CSMD3: variants seen among roughly 807,000 people sequenced by gnomAD.
CSMD3 encodes CUB and sushi domain-containing protein 3.
Under a neutral mutation model 435.2 loss-of-function variants are expected in CSMD3, and 177 were observed. The ratio of observed to expected loss-of-function variants is 0.41; its 90% CI spans 0.36 to 0.46. The LOEUF (loss-of-function observed/expected upper bound fraction) is 0.46. Ranked by LOEUF, CSMD3 falls within the 20% of genes least tolerant of loss-of-function variation. The probability of loss-of-function intolerance (pLI) is 0.34; values close to 1 mark genes in which losing one functional copy is unlikely to be tolerated. For synonymous variants in CSMD3, 1,656 were observed against 1,520.5 expected, an observed-to-expected ratio of 1.09 and a Z score of -2.07; for missense variants, 4,265 against 4,504.6, an observed-to-expected ratio of 0.95 and a Z score of 1.52.
chr8:112,816,307 T>C (rs1450002252), intron 12 of CSMD3, among the ~76,000 whole-genome samples: 1 of 152,096 alleles, frequency 6.6e-6, no homozygotes, highest in Non-Finnish European at 1.5e-5. Flanking sequence ...TTTGTAAGTA[T>C]GCATAGTGAA....
At chr8:112,525,799 T>TATATATATATAC in intron 27 of CSMD3, among the ~76,000 whole-genome samples, 1 of 131,346 alleles carries the variant, frequency 7.6e-6, no homozygotes, top group African/African-American at 2.9e-5. Context: ...TATATATGTA[T>TATATATATATAC]ATATATATAT....
In CSMD3 at chr8:113,281,946, G is replaced by A. The variant is rs117946656; in HGVS notation, c.402-3242C>T. Among the ~76,000 whole-genome samples, 61 of 151,884 alleles carry A rather than the reference G, an allele frequency of 4.0e-4. 2 individuals are homozygous for A. In the East Asian group the frequency reaches 0.011, roughly 27 times the overall value. ...TTCTTCATATATGATGCTTAGTTTC[G>A]CTGGAAACAAAATTCTTGGCTGATA... On this transcript the variant is annotated intron_variant, in intron 2 of 70. Transcript: ENST00000297405.
intron 13 of CSMD3, among the ~76,000 whole-genome samples, chr8:112,702,006 A>G (rs1186476693): frequency 4.6e-5 from 7 of 152,106 alleles, no homozygotes. Context: ...GGACATACCT[A>G]TATTGGTCCA....
At chr8:112,879,800 C>G (rs913809199) in intron 10 of CSMD3, among the ~76,000 whole-genome samples, 1 of 152,060 alleles carries the variant, frequency 6.6e-6, no homozygotes. Flanking sequence ...AACCATCACT[C>G]TCAGCAAACT....
intron 8 of CSMD3, among the ~76,000 whole-genome samples, chr8:112,948,786 C>T (rs140631549): frequency 1.3e-5 from 2 of 151,950 alleles, no homozygotes; most frequent in East Asian, 3.9e-4. Context: ...GCTTGTTGTC[C>T]TCCACTGTGA....
At chr8:112,852,420 A>G (rs1198666548) in intron 11 of CSMD3, among the ~76,000 whole-genome samples, 1 of 152,156 alleles carries the variant, frequency 6.6e-6, no homozygotes, top group African/African-American at 2.4e-5. Flanking sequence ...GACCCAGAAT[A>G]CAAGAAAGGG....
intron 25 of CSMD3, among the ~76,000 whole-genome samples, chr8:112,555,880 T>A (rs913022457): frequency 6.6e-6 from 1 of 151,968 alleles, no homozygotes; most frequent in Non-Finnish European, 1.5e-5. Context: ...GTATATCAAT[T>A]ATACCTCAGT....
intron 3 of CSMD3, among the ~76,000 whole-genome samples, chr8:113,261,290 G>A (rs2093425262): frequency 6.6e-6 from 1 of 152,000 alleles, no homozygotes; most frequent in Admixed American, 6.6e-5. Context: ...CATAATGTCT[G>A]CACAAAATGT....
intron 27 of CSMD3, among the ~76,000 whole-genome samples, chr8:112,543,414 ACAGT>A (rs1243645386): frequency 6.6e-6 from 1 of 152,160 alleles, no homozygotes; most frequent in Non-Finnish European, 1.5e-5. Context: ...CTGATAAAAA[ACAGT>A]CAAAGGTCTT....
intron 35 of CSMD3, among the ~76,000 whole-genome samples, chr8:112,395,061 A>C (rs189709952): frequency 6.6e-6 from 1 of 152,292 alleles, no homozygotes; most frequent in African/African-American, 2.4e-5. Flanking sequence ...ATATTTATTT[A>C]TTTACCAACA....
At chr8:112,458,976 T>A (rs1563562883) in intron 32 of CSMD3, among the ~76,000 whole-genome samples, 2 of 152,094 alleles carry the variant, frequency 1.3e-5, no homozygotes, top group Middle Eastern at 3.4e-3. Flanking sequence ...CATACACAGA[T>A]CTCACTCATC....
chr8:113,247,195 AAAC>A (rs909024186), intron 3 of CSMD3, among the ~76,000 whole-genome samples: 2 of 152,188 alleles, frequency 1.3e-5, no homozygotes, highest in African/African-American at 2.4e-5. Context: ...CCACTATGTT[AAAC>A]AACTAACACT....
chr8:113,133,791 A>G (rs577654204), intron 4 of CSMD3, among the ~76,000 whole-genome samples: 3 of 152,262 alleles, frequency 2.0e-5, no homozygotes, highest in Non-Finnish European at 4.4e-5. Context: ...AGTGAAATAA[A>G]TCCGTTATCA....
chr8:113,280,371 T>C (rs1334971771), intron 2 of CSMD3, among the ~76,000 whole-genome samples: 1 of 151,994 alleles, frequency 6.6e-6, no homozygotes, highest in Non-Finnish European at 1.5e-5. Flanking sequence ...GGGTGTCTAA[T>C]TCTTCCTGAT....
chr8:112,459,097 AAAT>A lies in CSMD3; in HGVS notation c.5395+13491_5395+13493del, dbSNP rs546982809. 1.3e-3 allele frequency among the ~76,000 whole-genome samples: 192 copies of A among 152,136 alleles called. 1 individual carries two copies. Among genetic ancestry groups the A allele is most frequent in the African/African-American group, 4.6e-3 (190 of 41,538 alleles). On this transcript the variant is annotated intron_variant, in intron 32 of 70. Transcript: ENST00000297405. Reference sequence around the variant, plus strand: ...GAAACAACCACTCTCTCCCTGCCACAAATAATATTAACTAAAATGTCCAACGGG... The same window carrying A: ...GAAACAACCACTCTCTCCCTGCCACAAATATTAACTAAAATGTCCAACGGG...
intron 10 of CSMD3, among the ~76,000 whole-genome samples, chr8:112,908,351 T>TA (rs2130508709): frequency 6.6e-6 from 1 of 151,622 alleles, no homozygotes; most frequent in South Asian, 2.1e-4. Context: ...TGTCTTTCTT[T>TA]AAATAAGTTC....
chr8:112,253,375 T>C (rs928670133), intron 63 of CSMD3, among the ~76,000 whole-genome samples: 1 of 151,958 alleles, frequency 6.6e-6, no homozygotes, highest in Non-Finnish European at 1.5e-5. Context: ...TCAGAAGAAT[T>C]GGAAATGCTA....
chr8:113,403,263 T>C (rs1462673263), intron 1 of CSMD3, among the ~76,000 whole-genome samples: 2 of 151,356 alleles, frequency 1.3e-5, no homozygotes, highest in African/African-American at 4.8e-5. Context: ...ACAACTGTAT[T>C]TCTGAAACTC....
chr8:112,460,073 G>A (rs998586253), intron 32 of CSMD3, among the ~76,000 whole-genome samples: 4 of 152,008 alleles, frequency 2.6e-5, no homozygotes, highest in Non-Finnish European at 5.9e-5. Context: ...GCTTACAAAC[G>A]GTAGTTTCCC....
Sources: gnomAD v4.1 joint callset for allele counts (sites outside exome capture counted in the v4.1 genomes callset) on GRCh38, gnomAD v4.1.1 for gene constraint, MANE v1.5 for transcripts, NCBI Gene and HGNC (gene_info 2026-07-23, HGNC 2026-07-21) for gene names.